Variants in EIF3A observed in about 807,000 individuals in gnomAD.
EIF3A encodes eukaryotic translation initiation factor 3 subunit A.
Under a neutral mutation model 186.6 loss-of-function variants are expected in EIF3A, and 21 were observed. That is an observed-to-expected ratio of 0.11 (90% CI 0.08 to 0.16). The LOEUF (loss-of-function observed/expected upper bound fraction) is 0.16, where lower values mean the gene tolerates loss of function less well. Among genes scored for constraint, EIF3A ranks in the 10% least tolerant of loss-of-function variants. The pLI, the probability that EIF3A is intolerant of heterozygous loss-of-function variation, is 1.00. For missense variants in EIF3A, 1,306 were observed against 1,796.3 expected, an observed-to-expected ratio of 0.73 and a Z score of 4.93; for synonymous variants, 563 against 584.3, an observed-to-expected ratio of 0.96 and a Z score of 0.52.
Position 119,036,144 on chromosome 10 carries a change from TTC to T in EIF3A, c.4042_4043del (p.Glu1348ArgfsTer2), listed in dbSNP as rs981361665. On this transcript the variant is annotated frameshift_variant, in exon 22 of 22. Transcript: ENST00000369144. LOFTEE classifies it high-confidence loss of function. ...TCCATGAGGCCTTCTCTTTTTCACC[TTC>T]TCTTTCTCGGTCTCGGTCTCTTTCT... ...DRERDRDRER[E>X]GEKEKASWRA... 6.2e-7 allele frequency: 1 copy of T among 1,613,886 alleles called. No homozygotes were observed. The highest frequency in any genetic ancestry group is 1.3e-5 in the African/African-American group (1 of 74,894).
chr10:119,068,284 C>A (rs1056818828), intron 6 of EIF3A, among the ~76,000 whole-genome samples: 2 of 152,238 alleles, frequency 1.3e-5, no homozygotes, highest in African/African-American at 4.8e-5. Flanking sequence ...GGGTTATAGA[C>A]CCTTCCTTTT....
Position 119,067,723 on chromosome 10 carries a change from CA to C in EIF3A, c.950+1722del, listed in dbSNP as rs547392288. Among the ~76,000 whole-genome samples, 13 of 152,292 alleles carry C rather than the reference CA, an allele frequency of 8.5e-5. No homozygotes were observed. In the East Asian group the frequency reaches 2.5e-3, roughly 29 times the overall value. Reference sequence around the variant, plus strand: ...CTAAAATAGTTTTACATAAGAAAGACAATTTGCTTTACATAATTCTACTGGA... The same window carrying C: ...CTAAAATAGTTTTACATAAGAAAGACATTTGCTTTACATAATTCTACTGGA... On this transcript the variant is annotated intron_variant, in intron 6 of 21. Transcript: ENST00000369144.
At chr10:119,065,745 C>T (rs1345661232) in intron 6 of EIF3A, among the ~76,000 whole-genome samples, 175 bp from the exon 7 acceptor site, 1 of 152,150 alleles carries the variant, frequency 6.6e-6, no homozygotes, top group Non-Finnish European at 1.5e-5. Context: ...GAGAAATGGG[C>T]TGTGTTTAAA....
chr10:119,053,897 ACTTTT>A lies in EIF3A; in HGVS notation c.2197-2581_2197-2577del, dbSNP rs1477767955. ...ATGAACCAACCTCTGCTAGCTTCAT[ACTTTT>A]CTTCTGCAGCTTCCTTTATTGATTG... On this transcript the variant is annotated intron_variant, in intron 14 of 21. Coordinates refer to ENST00000369144, the MANE Select transcript of EIF3A (RefSeq NM_003750.4). 2.6e-5 allele frequency among the ~76,000 whole-genome samples: 4 copies of A among 152,150 alleles called. No homozygotes were observed. The East Asian group carries it at 7.7e-4, about 29-fold the overall frequency.
intron 14 of EIF3A, among the ~76,000 whole-genome samples, chr10:119,056,213 A>G (rs772313072): frequency 1.3e-5 from 2 of 152,332 alleles, no homozygotes; most frequent in East Asian, 1.9e-4. Flanking sequence ...AAAATATACT[A>G]TAAGTTAACA....
intron 17 of EIF3A, among the ~76,000 whole-genome samples, chr10:119,045,698 A>T (rs575978215): frequency 6.6e-6 from 1 of 152,308 alleles, no homozygotes; most frequent in Admixed American, 6.5e-5. Flanking sequence ...CAGTTTCCCA[A>T]GTAGCTGGGC....
chr10:119,079,227 G>A (rs561841783), intron 1 of EIF3A, among the ~76,000 whole-genome samples: 4 of 152,158 alleles, frequency 2.6e-5, no homozygotes, highest in African/African-American at 2.4e-5. Flanking sequence ...TCACATCTAT[G>A]TTGTAGTTTC....
At chr10:119,064,141 G>C (rs1005948507) in intron 7 of EIF3A, among the ~76,000 whole-genome samples, 2 of 152,162 alleles carry the variant, frequency 1.3e-5, no homozygotes, top group Non-Finnish European at 1.5e-5. Flanking sequence ...TATCTGCTGG[G>C]TAAAACCTAG....
intron 9 of EIF3A, among the ~76,000 whole-genome samples, 182 bp downstream of exon 9, chr10:119,060,564 C>T (rs563065478): frequency 5.3e-5 from 8 of 152,218 alleles, no homozygotes; most frequent in South Asian, 2.1e-4. Flanking sequence ...AAAACAAAAG[C>T]GTCCGTTACA....
intron 11 of EIF3A, among the ~76,000 whole-genome samples, chr10:119,058,787 G>A (rs1181498144): frequency 6.6e-6 from 1 of 152,202 alleles, no homozygotes; most frequent in East Asian, 1.9e-4. Context: ...GGAGGCTGAG[G>A]CACAAGAATT....
rs1023161184 is a variant in EIF3A at position 119,065,519 on chromosome 10, C to A, written c.1002G>T (p.Glu334Asp). 1 of 1,613,326 alleles carries A rather than the reference C, an allele frequency of 6.2e-7. No individual in the cohort carries two copies. Among genetic ancestry groups the A allele is most frequent in the South Asian group, 1.1e-5 (1 of 91,056 alleles). Residue 334 changes from glutamate to aspartate, a missense_variant, in exon 7 of 22, where the codon GAG (glutamate) becomes GAT (aspartate). Glu to Asp is a conservative substitution (Grantham distance 45). Coordinates refer to ENST00000369144, the MANE Select transcript of EIF3A (RefSeq NM_003750.4). ...LATLSIPITP[E>D]RTDIARLLDM... Reference sequence around the variant, plus strand: ...CCAGAAGTCGAGCAATATCCGTACGCTCAGGAGTAATAGGGATGGAAAGAG... The same window carrying A: ...CCAGAAGTCGAGCAATATCCGTACGATCAGGAGTAATAGGGATGGAAAGAG...
chr10:119,068,948 G>A (rs1844026828), intron 6 of EIF3A, among the ~76,000 whole-genome samples: 1 of 140,982 alleles, frequency 7.1e-6, no homozygotes, highest in Non-Finnish European at 1.5e-5. Context: ...ACTCCAGCCT[G>A]GGCAACAAAA....
chr10:119,075,622 G>GT (rs35824230), intron 1 of EIF3A, among the ~76,000 whole-genome samples: 1 of 882 alleles, frequency 1.1e-3, no homozygotes, highest in African/African-American at 1.5e-3. Flanking sequence ...AAAAAAAAAA[G>GT]GGGGGGAGCT....
Position 119,072,551 on chromosome 10 carries a change from C to T in EIF3A, c.541+339G>A, listed in dbSNP as rs2036863. On this transcript the variant is annotated intron_variant, in intron 4 of 21. Transcript: ENST00000369144. ...CACTGCAACCTCCGCCTCCTGGGTT[C>T]AAGCGATCCTGCCACCTCAGCCTCC... Among the ~76,000 whole-genome samples the T allele has an allele frequency of 1.3e-3, 192 of 152,288 alleles. 4 individuals are homozygous for T. The East Asian group carries it at 0.033, about 26-fold the overall frequency.
chr10:119,044,856 AAAAAT>A (rs937516685), intron 17 of EIF3A, among the ~76,000 whole-genome samples: 4 of 152,196 alleles, frequency 2.6e-5, no homozygotes, highest in African/African-American at 9.7e-5. Context: ...TCAAAAAAAT[AAAAAT>A]AAAAGAATCT....
chr10:119,040,323 C>A (rs1848190480), intron 19 of EIF3A, among the ~76,000 whole-genome samples: 2 of 152,142 alleles, frequency 1.3e-5, no homozygotes, highest in Non-Finnish European at 2.9e-5. Context: ...AAAGGCAGAA[C>A]TGAACTAAAG....
At chr10:119,057,753 C>T (rs750226606) in intron 12 of EIF3A, among the ~76,000 whole-genome samples, 14 of 151,960 alleles carry the variant, frequency 9.2e-5, no homozygotes, top group East Asian at 3.9e-4. Flanking sequence ...CCAGCCTGGG[C>T]GACAAGATAA....
At chr10:119,070,403 T>C (rs901615194) in intron 5 of EIF3A, among the ~76,000 whole-genome samples, 1 of 152,206 alleles carries the variant, frequency 6.6e-6, no homozygotes, top group African/African-American at 2.4e-5. Flanking sequence ...AGGATTCGGT[T>C]TGTTTTAAAT....
At chr10:119,065,628 A>G (rs1457232638) in intron 6 of EIF3A, 58 bp from the exon 7 acceptor site, 1 of 1,283,536 alleles carries the variant, frequency 7.8e-7, no homozygotes, top group Non-Finnish European at 1.1e-6. Context: ...GGTAAGCAGA[A>G]AAGCACTTCT....
Sources: gnomAD v4.1 joint callset for allele counts (sites outside exome capture counted in the v4.1 genomes callset) on GRCh38, gnomAD v4.1.1 for gene constraint, MANE v1.5 for transcripts, NCBI Gene and HGNC (gene_info 2026-07-23, HGNC 2026-07-21) for gene names.